CDC14A: variants seen among roughly 807,000 people sequenced by gnomAD.
CDC14A encodes the protein cell division cycle 14A, also known as dual specificity protein phosphatase CDC14A.
A neutral mutation model predicts 74.4 loss-of-function variants in CDC14A; 53 were observed. The ratio of observed to expected loss-of-function variants is 0.71; its 90% CI spans 0.57 to 0.89. The LOEUF (loss-of-function observed/expected upper bound fraction) is 0.89, where lower values mean the gene tolerates loss of function less well. Among genes scored for constraint, CDC14A ranks in the 40% least tolerant of loss-of-function variants. The pLI, the probability that CDC14A is intolerant of heterozygous loss-of-function variation, is 0.00. For missense variants in CDC14A, 646 were observed against 713.7 expected, an observed-to-expected ratio of 0.91 and a Z score of 1.08; for synonymous variants, 247 against 258.4, an observed-to-expected ratio of 0.96 and a Z score of 0.43.
intron 4 of CDC14A, among the ~76,000 whole-genome samples, chr1:100,401,744 A>G (rs1032981170): frequency 3.9e-5 from 6 of 152,176 alleles, no homozygotes; most frequent in African/African-American, 1.4e-4. Context: ...TCCAGTTAAG[A>G]ATTAATTCAT....
intron 4 of CDC14A, among the ~76,000 whole-genome samples, chr1:100,400,544 G>A (rs1165596751): frequency 1.3e-5 from 2 of 152,062 alleles, no homozygotes; most frequent in East Asian, 1.9e-4. Context: ...CTGGGGCTGG[G>A]CAATTTCCTG....
At chr1:100,358,910 C>A (rs1459770647) in intron 2 of CDC14A, among the ~76,000 whole-genome samples, 1 of 151,920 alleles carries the variant, frequency 6.6e-6, no homozygotes, top group East Asian at 1.9e-4. Flanking sequence ...CAGGAGAAAC[C>A]CTTTTGGTTT....
At chr1:100,386,451 T>C (rs530625773) in intron 3 of CDC14A, among the ~76,000 whole-genome samples, 1 of 152,176 alleles carries the variant, frequency 6.6e-6, no homozygotes, top group East Asian at 1.9e-4. Context: ...TAATCTGTAA[T>C]AGAGCAGGTA....
chr1:100,415,906 T>C (rs1323801041), intron 4 of CDC14A, among the ~76,000 whole-genome samples: 1 of 152,210 alleles, frequency 6.6e-6, no homozygotes, highest in Non-Finnish European at 1.5e-5. Context: ...AATGTAGATA[T>C]TGTTTTCTGA....
At chr1:100,396,948 A>G (rs755355612) in intron 4 of CDC14A, among the ~76,000 whole-genome samples, 16 of 152,214 alleles carry the variant, frequency 1.1e-4, no homozygotes, top group Non-Finnish European at 2.2e-4. Flanking sequence ...AGGAGATAAA[A>G]TATAGACCAA....
intron 5 of CDC14A, among the ~76,000 whole-genome samples, chr1:100,429,234 T>TAAATAAATAAATAAAAATAAA (rs60569646): frequency 2.7e-5 from 4 of 146,428 alleles, no homozygotes; most frequent in Admixed American, 6.8e-5. Flanking sequence ...AATAAATAAA[T>TAAATAAATAAATAAAAATAAA]ATAAAATAAA....
chr1:100,487,571 AGAAC>A (rs1557816639), intron 11 of CDC14A, among the ~76,000 whole-genome samples: 63 of 147,424 alleles, frequency 4.3e-4, no homozygotes, highest in African/African-American at 1.6e-3. Flanking sequence ...AAAACAAAAC[AGAAC>A]AAAACAAAAC....
At chr1:100,444,528 A>G (rs1665315954) in intron 7 of CDC14A, among the ~76,000 whole-genome samples, 1 of 151,934 alleles carries the variant, frequency 6.6e-6, no homozygotes, top group Admixed American at 6.6e-5. Flanking sequence ...CTGTTACTTC[A>G]CTGTACGTAC....
chr1:100,453,663 A>G (rs1666368761), intron 7 of CDC14A, among the ~76,000 whole-genome samples: 1 of 152,132 alleles, frequency 6.6e-6, no homozygotes, highest in African/African-American at 2.4e-5. Context: ...CCTTTGAGAC[A>G]GAGTCTCACT....
intron 8 of CDC14A, among the ~76,000 whole-genome samples, chr1:100,456,016 A>G (rs1666645822): frequency 6.6e-6 from 1 of 152,198 alleles, no homozygotes; most frequent in Admixed American, 6.5e-5. Flanking sequence ...GGAGGAGTAA[A>G]TTGAGCCTTA....
intron 4 of CDC14A, among the ~76,000 whole-genome samples, chr1:100,417,585 A>G (rs542189084): frequency 6.6e-6 from 1 of 152,328 alleles, no homozygotes; most frequent in African/African-American, 2.4e-5. Context: ...TTCTATAAGC[A>G]AATACAAATC....
intron 5 of CDC14A, among the ~76,000 whole-genome samples, chr1:100,429,234 T>TAAATAAATAAATAAATAAAA (rs60569646): frequency 0.15 from 22,452 of 146,260 alleles, 2,022 homozygotes; most frequent in African/African-American, 0.18. Context: ...AATAAATAAA[T>TAAATAAATAAATAAATAAAA]ATAAAATAAA....
intron 4 of CDC14A, among the ~76,000 whole-genome samples, chr1:100,395,042 G>T (rs1658280757): frequency 6.6e-6 from 1 of 152,154 alleles, no homozygotes; most frequent in African/African-American, 2.4e-5. Flanking sequence ...AGGTAGGTAG[G>T]TATATTTTAT....
intron 4 of CDC14A, among the ~76,000 whole-genome samples, chr1:100,414,351 T>A (rs951470448): frequency 3.3e-5 from 5 of 152,168 alleles, no homozygotes; most frequent in African/African-American, 1.2e-4. Flanking sequence ...CCGCATATTA[T>A]CTTTTACAGA....
intron 7 of CDC14A, among the ~76,000 whole-genome samples, chr1:100,449,024 C>G (rs1665850381): frequency 6.6e-6 from 1 of 152,200 alleles, no homozygotes; most frequent in Non-Finnish European, 1.5e-5. Flanking sequence ...CAAAATTTCT[C>G]ACTGATCCAT....
intron 8 of CDC14A, among the ~76,000 whole-genome samples, chr1:100,458,063 G>A (rs184226345): frequency 7.2e-5 from 11 of 152,196 alleles, no homozygotes; most frequent in African/African-American, 2.6e-4. Flanking sequence ...GCCACCATTC[G>A]CTTACCTGCC....
At chr1:100,401,224 G>C (rs963048987) in intron 4 of CDC14A, among the ~76,000 whole-genome samples, 3 of 152,180 alleles carry the variant, frequency 2.0e-5, no homozygotes, top group African/African-American at 7.2e-5. Flanking sequence ...TTATTTACCA[G>C]TTTATTATCT....
intron 8 of CDC14A, among the ~76,000 whole-genome samples, chr1:100,458,709 T>A (rs1355850676): frequency 6.6e-6 from 1 of 151,760 alleles, no homozygotes; most frequent in Non-Finnish European, 1.5e-5. Flanking sequence ...TTTTTTGAAT[T>A]GAGAAACCTG....
intron 11 of CDC14A, among the ~76,000 whole-genome samples, chr1:100,494,207 G>C (rs1047469686): frequency 1.3e-5 from 2 of 152,108 alleles, no homozygotes; most frequent in Admixed American, 1.3e-4. Flanking sequence ...CTGCATCAGG[G>C]CTATTGAAGA....
Sources: gnomAD v4.1 joint callset for allele counts (sites outside exome capture counted in the v4.1 genomes callset) on GRCh38, gnomAD v4.1.1 for gene constraint, MANE v1.5 for transcripts, NCBI Gene and HGNC (gene_info 2026-07-23, HGNC 2026-07-21) for gene names.